The following TAFA1 variants were observed in gnomAD, a reference collection of about 807,000 sequenced individuals.
The protein encoded by TAFA1 is chemokine-like protein TAFA-1.
TAFA1 carries 4 observed loss-of-function variants against 18.5 expected under a neutral mutation model. The ratio of observed to expected loss-of-function variants is 0.22; its 90% CI spans 0.11 to 0.49. The LOEUF (loss-of-function observed/expected upper bound fraction) is 0.49. Ranked by LOEUF, TAFA1 falls within the 20% of genes least tolerant of loss-of-function variation. The probability of loss-of-function intolerance (pLI) is 0.98; values close to 1 mark genes in which losing one functional copy is unlikely to be tolerated. For missense variants in TAFA1, 147 were observed against 169.0 expected (o/e 0.87, Z 0.72); for synonymous variants, 56 against 55.2 (o/e 1.01, Z -0.06).
chr3:68,177,318 C>T (rs1008108749), intron 2 of TAFA1, among the ~76,000 whole-genome samples: 1 of 152,116 alleles, frequency 6.6e-6, no homozygotes, highest in Non-Finnish European at 1.5e-5. Flanking sequence ...AGAACCAGCT[C>T]TTTTAGAAAA....
At chr3:68,047,103 C>T (rs563889491) in intron 2 of TAFA1, among the ~76,000 whole-genome samples, 1 of 152,268 alleles carries the variant, frequency 6.6e-6, no homozygotes, top group Admixed American at 6.5e-5. Flanking sequence ...CTGTTCTCAT[C>T]CCCATGAGGG....
At chr3:68,393,046 CA>C (rs975361476) in intron 2 of TAFA1, among the ~76,000 whole-genome samples, 3 of 151,710 alleles carry the variant, frequency 2.0e-5, no homozygotes, top group Non-Finnish European at 2.9e-5. Context: ...AAAAATCCTC[CA>C]AAAAATCAAT....
At chr3:68,228,603 A>C (rs541016305) in intron 2 of TAFA1, among the ~76,000 whole-genome samples, 2 of 152,216 alleles carry the variant, frequency 1.3e-5, no homozygotes, top group South Asian at 4.1e-4. Flanking sequence ...CATCTCTCCT[A>C]CTATACTATG....
intron 2 of TAFA1, among the ~76,000 whole-genome samples, chr3:68,228,321 A>G (rs2066828669): frequency 6.6e-6 from 1 of 152,088 alleles, no homozygotes; most frequent in South Asian, 2.1e-4. Context: ...AGGCACGATT[A>G]AAGCCCATTG....
chr3:68,076,921 C>T (rs1167264004), intron 2 of TAFA1, among the ~76,000 whole-genome samples: 3 of 152,164 alleles, frequency 2.0e-5, no homozygotes, highest in African/African-American at 7.2e-5. Context: ...TACAATCCCA[C>T]CAACAGTGTA....
At chr3:68,173,808 G>A (rs1031677369) in intron 2 of TAFA1, among the ~76,000 whole-genome samples, 6 of 151,922 alleles carry the variant, frequency 3.9e-5, no homozygotes, top group Middle Eastern at 3.4e-3. Context: ...CATTTTTAAA[G>A]TCATTGTTTT....
At chr3:68,177,729 A>G (rs1379681421) in intron 2 of TAFA1, among the ~76,000 whole-genome samples, 1 of 152,082 alleles carries the variant, frequency 6.6e-6, no homozygotes, top group Non-Finnish European at 1.5e-5. Flanking sequence ...TGCTCTTCCT[A>G]CTCCTTTTAT....
chr3:68,119,892 A>C (rs1375748490), intron 2 of TAFA1, among the ~76,000 whole-genome samples: 1 of 152,178 alleles, frequency 6.6e-6, no homozygotes, highest in Non-Finnish European at 1.5e-5. Context: ...GCAACTCTAT[A>C]AAGTAAATTT....
intron 3 of TAFA1, among the ~76,000 whole-genome samples, chr3:68,499,560 C>T (rs2072621014): frequency 6.8e-6 from 1 of 147,530 alleles, no homozygotes; most frequent in African/African-American, 2.5e-5. Context: ...AGCTAAAATA[C>T]ACTTTATTTT....
At chr3:68,067,166 A>G (rs564768206) in intron 2 of TAFA1, among the ~76,000 whole-genome samples, 2 of 152,246 alleles carry the variant, frequency 1.3e-5, no homozygotes, top group African/African-American at 4.8e-5. Context: ...ATTAACCCCA[A>G]ATCTACTTCC....
chr3:68,227,113 G>A (rs977971120), intron 2 of TAFA1, among the ~76,000 whole-genome samples: 11 of 152,040 alleles, frequency 7.2e-5, no homozygotes, highest in Admixed American at 1.3e-4. Flanking sequence ...CATTGTTACT[G>A]GGGTGGATTC....
At chr3:68,355,668 C>T (rs545991064) in intron 2 of TAFA1, among the ~76,000 whole-genome samples, 4 of 151,998 alleles carry the variant, frequency 2.6e-5, no homozygotes, top group Admixed American at 2.0e-4. Flanking sequence ...GATACAATTT[C>T]GTGAAATTGA....
intron 3 of TAFA1, among the ~76,000 whole-genome samples, chr3:68,526,139 T>G (rs2073108867): frequency 6.6e-6 from 1 of 152,200 alleles, no homozygotes; most frequent in South Asian, 2.1e-4. Flanking sequence ...GCCTAAGAGG[T>G]TTTGCATGCT....
chr3:68,117,803 C>T (rs916255834), intron 2 of TAFA1, among the ~76,000 whole-genome samples: 3 of 152,010 alleles, frequency 2.0e-5, no homozygotes, highest in Non-Finnish European at 4.4e-5. Context: ...TTAAAATTAC[C>T]TTTGATCTTT....
chr3:68,286,865 A>G (rs1376804843), intron 2 of TAFA1, among the ~76,000 whole-genome samples: 2 of 152,212 alleles, frequency 1.3e-5, no homozygotes, highest in Non-Finnish European at 2.9e-5. Flanking sequence ...GTGCTGGTAT[A>G]ACAAAAGGAG....
chr3:68,357,514 G>T (rs906194596), intron 2 of TAFA1, among the ~76,000 whole-genome samples: 1 of 151,902 alleles, frequency 6.6e-6, no homozygotes, highest in Non-Finnish European at 1.5e-5. Flanking sequence ...GGTAATAGTT[G>T]TGTACTTTCA....
intron 2 of TAFA1, among the ~76,000 whole-genome samples, chr3:68,061,699 A>T (rs372745926): frequency 5.3e-5 from 8 of 152,216 alleles, no homozygotes; most frequent in East Asian, 1.9e-4. Context: ...AGGGAAGTAG[A>T]TTCCAAAAAA....
At chr3:68,538,367 GTTA>G (rs2106788550) in intron 3 of TAFA1, among the ~76,000 whole-genome samples, 1 of 152,234 alleles carries the variant, frequency 6.6e-6, no homozygotes, top group African/African-American at 2.4e-5. Context: ...TTTGGGAAGG[GTTA>G]TTATTATCCT....
chr3:68,218,048 A>G (rs2066680872), intron 2 of TAFA1, among the ~76,000 whole-genome samples: 1 of 152,094 alleles, frequency 6.6e-6, no homozygotes, highest in Non-Finnish European at 1.5e-5. Context: ...TCAGATCTTT[A>G]TGACAAATGG....
Sources: gnomAD v4.1 joint callset for allele counts (sites outside exome capture counted in the v4.1 genomes callset) on GRCh38, gnomAD v4.1.1 for gene constraint, MANE v1.5 for transcripts, NCBI Gene and HGNC (gene_info 2026-07-23, HGNC 2026-07-21) for gene names.